Variants in MBNL2 observed in about 807,000 individuals in gnomAD.
MBNL2 encodes muscleblind-like protein 2.
A neutral mutation model predicts 41.9 loss-of-function variants in MBNL2; 17 were observed. That is an observed-to-expected ratio of 0.41 (90% confidence interval 0.28 to 0.61). The LOEUF (loss-of-function observed/expected upper bound fraction) is 0.61. Ranked by LOEUF, MBNL2 falls within the 20% of genes least tolerant of loss-of-function variation. The pLI is 0.35. For missense variants in MBNL2, 336 were observed against 505.6 expected (o/e 0.66, Z 3.22); for synonymous variants, 195 against 182.9 (o/e 1.07, Z -0.53).
intron 1 of MBNL2, among the ~76,000 whole-genome samples, chr13:97,273,527 T>C (rs552874648): frequency 1.3e-5 from 2 of 152,346 alleles, no homozygotes; most frequent in Admixed American, 6.5e-5. Context: ...AAATATTTTA[T>C]AATTGAAGTT....
chr13:97,247,462 G>T lies in MBNL2; in HGVS notation c.-605+24931G>T, dbSNP rs778013035. ...AGATATGCTGTAAGTTCTAGGACAGGAGATGGCTAAACATGAACCCCGACA... is the reference window on the plus strand; with the variant it reads ...AGATATGCTGTAAGTTCTAGGACAGTAGATGGCTAAACATGAACCCCGACA... On this transcript the variant is annotated intron_variant, in intron 1 of 8. Coordinates refer to ENST00000679496, the MANE Select transcript of MBNL2 (RefSeq NM_001382683.1). Among the ~76,000 whole-genome samples the T allele has an allele frequency of 3.3e-5, 5 of 152,166 alleles. No homozygotes were observed. The South Asian group carries it at 6.2e-4, about 19-fold the overall frequency.
chr13:97,198,710 T>C, the MBNL2 span, among the ~76,000 whole-genome samples: 1 of 152,038 alleles, frequency 6.6e-6, no homozygotes, highest in Non-Finnish European at 1.5e-5. Context: ...CAGGCCAAAA[T>C]CCTTGGAACC....
At chr13:97,272,203 T>C (rs977866274) in intron 1 of MBNL2, among the ~76,000 whole-genome samples, 5 of 152,244 alleles carry the variant, frequency 3.3e-5, no homozygotes, top group African/African-American at 7.2e-5. Flanking sequence ...TTCATGTTTG[T>C]TGGCTGCGTA....
At position 97,276,193 on chromosome 13, in the gene MBNL2, T is replaced by G. The variant is rs1390361666; in HGVS notation, c.-43T>G. ...GGAATCATTAGAACTTGGATTGATT[T>G]CATCATTTAACAGAAACAAACAGCC... On this transcript the variant is annotated 5_prime_UTR_variant, in exon 2 of 9. Transcript: ENST00000679496. 6.6e-7 allele frequency: 1 copy of G among 1,506,066 alleles called. No individual in the cohort carries two copies. Among genetic ancestry groups the G allele is most frequent in the Non-Finnish European group, 9.2e-7 (1 of 1,087,900 alleles). 93.3% of individuals were successfully genotyped at this position (1,506,066 alleles called of 1,614,324 possible).
chr13:97,184,570 C>T, the MBNL2 span, among the ~76,000 whole-genome samples: 1 of 152,204 alleles, frequency 6.6e-6, no homozygotes, highest in East Asian at 1.9e-4. Flanking sequence ...GCAACCTCCA[C>T]CTCCTGGGTT....
chr13:97,367,443 G>A (rs2063942822), intron 8 of MBNL2, among the ~76,000 whole-genome samples: 1 of 152,154 alleles, frequency 6.6e-6, no homozygotes, highest in Non-Finnish European at 1.5e-5. Flanking sequence ...AGTTTCATGG[G>A]TTTTTAAAAA....
intron 8 of MBNL2, among the ~76,000 whole-genome samples, chr13:97,370,828 C>T (rs1241305865): frequency 6.6e-6 from 1 of 152,108 alleles, no homozygotes; most frequent in Non-Finnish European, 1.5e-5. Flanking sequence ...TCATGGGTTT[C>T]TTTTGTCATA....
At chr13:97,284,644 A>G (rs1246662477) in intron 2 of MBNL2, among the ~76,000 whole-genome samples, 1 of 152,344 alleles carries the variant, frequency 6.6e-6, no homozygotes, top group East Asian at 1.9e-4. Context: ...TTAATATAAT[A>G]TATACACCTA....
intron 2 of MBNL2, among the ~76,000 whole-genome samples, chr13:97,318,259 T>C (rs2059219290): frequency 6.6e-6 from 1 of 152,210 alleles, no homozygotes; most frequent in Admixed American, 6.5e-5. Flanking sequence ...CAAACATAAT[T>C]AGTTTTTATA....
intron 1 of MBNL2, among the ~76,000 whole-genome samples, chr13:97,257,732 C>A (rs191893196): frequency 6.6e-6 from 1 of 152,202 alleles, no homozygotes; most frequent in African/African-American, 2.4e-5. Flanking sequence ...TGAGCACAGG[C>A]GCCTGTGCAG....
the MBNL2 span, among the ~76,000 whole-genome samples, chr13:97,163,168 C>T: frequency 0.04 from 6,038 of 152,246 alleles, 391 homozygotes; most frequent in African/African-American, 0.14. Flanking sequence ...GCGTAGGGTC[C>T]GGCTTGAAGG....
the MBNL2 span, among the ~76,000 whole-genome samples, chr13:97,182,732 C>T: frequency 6.6e-6 from 1 of 152,158 alleles, no homozygotes; most frequent in Non-Finnish European, 1.5e-5. Context: ...AGGCAACAAT[C>T]AAGAAGAGGT....
chr13:97,151,621 C>T, the MBNL2 span, among the ~76,000 whole-genome samples: 1 of 152,132 alleles, frequency 6.6e-6, no homozygotes, highest in Non-Finnish European at 1.5e-5. Flanking sequence ...AAGAGATGCA[C>T]ACAATCAGCT....
intron 2 of MBNL2, among the ~76,000 whole-genome samples, chr13:97,277,976 C>T (rs2052516380): frequency 6.6e-6 from 1 of 151,802 alleles, no homozygotes; most frequent in Admixed American, 6.6e-5. Context: ...GCAGTGTAGG[C>T]CGGGCATGGT....
intron 1 of MBNL2, among the ~76,000 whole-genome samples, chr13:97,256,559 A>G (rs564946194): frequency 6.6e-6 from 1 of 152,320 alleles, no homozygotes; most frequent in South Asian, 2.1e-4. Flanking sequence ...GCTGCAGGTT[A>G]TCAGAGTGGC....
chr13:97,184,532 C>T, the MBNL2 span, among the ~76,000 whole-genome samples: 95 of 152,208 alleles, frequency 6.2e-4, 1 homozygote, highest in African/African-American at 1.9e-3. Context: ...AGTGACTATC[C>T]GATTTCCAGG....
the MBNL2 span, among the ~76,000 whole-genome samples, chr13:97,193,962 A>C: frequency 1.3e-5 from 2 of 152,198 alleles, no homozygotes; most frequent in East Asian, 3.9e-4. Flanking sequence ...CAACAGGTCA[A>C]ACTCCTCTCC....
chr13:97,299,349 G>A (rs1285498027), intron 2 of MBNL2, among the ~76,000 whole-genome samples: 1 of 152,146 alleles, frequency 6.6e-6, no homozygotes, highest in Non-Finnish European at 1.5e-5. Context: ...CCATCAGGGA[G>A]CTTATATTCC....
intron 1 of MBNL2, among the ~76,000 whole-genome samples, chr13:97,248,677 GAAT>G (rs2045948146): frequency 6.6e-6 from 1 of 152,046 alleles, no homozygotes; most frequent in East Asian, 1.9e-4. Context: ...TTACTGTAAA[GAAT>G]AATAAAATCA....
Sources: gnomAD v4.1 joint callset for allele counts (sites outside exome capture counted in the v4.1 genomes callset) on GRCh38, gnomAD v4.1.1 for gene constraint, MANE v1.5 for transcripts, NCBI Gene and HGNC (gene_info 2026-07-23, HGNC 2026-07-21) for gene names.